TENT5D: variants seen among roughly 807,000 people sequenced by gnomAD.
TENT5D encodes cancer/testis antigen 112.
For synonymous variants in TENT5D, 103 were observed against 100.6 expected (o/e 1.02, Z -0.15); for missense variants, 191 against 287.0 (o/e 0.67, Z 2.42).
At chrX:80,380,824 C>A (rs1930848638) in intron 3 of TENT5D, among the ~76,000 whole-genome samples, 1 of 111,210 alleles carries the variant, frequency 9.0e-6, no homozygotes, top group African/African-American at 3.3e-5. Context: ...GATCTTCCTC[C>A]ATCCCTTTAT....
intron 3 of TENT5D, among the ~76,000 whole-genome samples, chrX:80,377,533 G>A (rs1369418265): frequency 9.0e-6 from 1 of 111,338 alleles, no homozygotes; most frequent in Non-Finnish European, 1.9e-5. Flanking sequence ...ATGGTTTCCA[G>A]CTTCATCCAT....
chrX:80,434,207 TAA>T (rs369574399), intron 1 of TENT5D, among the ~76,000 whole-genome samples: 9 of 84,983 alleles, frequency 1.1e-4, no homozygotes, highest in South Asian at 5.5e-4. Context: ...GATCATAAAG[TAA>T]AAAAAAAAAA....
chrX:80,390,932 A>T (rs928836168), intron 3 of TENT5D, among the ~76,000 whole-genome samples: 1 of 112,078 alleles, frequency 8.9e-6, no homozygotes, highest in African/African-American at 3.2e-5. Flanking sequence ...TACCAAAAAT[A>T]TTCCTTTATC....
At chrX:80,393,027 CTG>C (rs1482410119) in intron 3 of TENT5D, among the ~76,000 whole-genome samples, 1 of 110,616 alleles carries the variant, frequency 9.0e-6, no homozygotes, top group African/African-American at 3.3e-5. Context: ...ACAACAACCT[CTG>C]TGTGAAACTG....
chrX:80,340,870 T>C (rs1165917069), intron 2 of TENT5D, among the ~76,000 whole-genome samples: 1 of 112,412 alleles, frequency 8.9e-6, no homozygotes, highest in Admixed American at 9.5e-5. Context: ...TATCTAATGC[T>C]GTCTTTACAT....
intron 3 of TENT5D, among the ~76,000 whole-genome samples, chrX:80,362,753 A>G (rs1195193490): frequency 1.8e-5 from 2 of 111,617 alleles, no homozygotes; most frequent in Non-Finnish European, 3.8e-5. Flanking sequence ...ACTCTATTCC[A>G]TTTAATCCAG....
intron 1 of TENT5D, among the ~76,000 whole-genome samples, chrX:80,433,548 C>T (rs1932127191): frequency 8.9e-6 from 1 of 112,027 alleles, no homozygotes; most frequent in African/African-American, 3.2e-5. Flanking sequence ...GGTAAGATTT[C>T]TCTGGGATTA....
chrX:80,414,153 A>T (rs1423934444), intron 3 of TENT5D, among the ~76,000 whole-genome samples: 1 of 112,083 alleles, frequency 8.9e-6, no homozygotes, highest in Admixed American at 9.4e-5. Flanking sequence ...TCATGAAAGC[A>T]GGAAGACTTG....
chrX:80,343,983 G>GT (rs1930012004), intron 3 of TENT5D, among the ~76,000 whole-genome samples: 1 of 110,290 alleles, frequency 9.1e-6, no homozygotes, highest in South Asian at 3.9e-4. Context: ...CCTGGTGTCG[G>GT]TTTTTCCCCT....
chrX:80,439,367 A>C (rs891172359), intron 2 of TENT5D, among the ~76,000 whole-genome samples: 1 of 111,344 alleles, frequency 9.0e-6, no homozygotes, highest in Non-Finnish European at 1.9e-5. Context: ...TTCCACCTTT[A>C]CCATGACATT....
intron 1 of TENT5D, among the ~76,000 whole-genome samples, chrX:80,421,807 A>C (rs1452201498): frequency 2.7e-5 from 3 of 111,479 alleles, no homozygotes; most frequent in Admixed American, 1.9e-4. Flanking sequence ...TGATAAGGAG[A>C]CTTAAGGAAA....
At chrX:80,440,462 A>G (rs750536431) in intron 2 of TENT5D, among the ~76,000 whole-genome samples, 1 of 108,976 alleles carries the variant, frequency 9.2e-6, no homozygotes, top group East Asian at 2.9e-4. Flanking sequence ...CATTTTGGCA[A>G]TTTTTTTTTA....
intron 3 of TENT5D, among the ~76,000 whole-genome samples, chrX:80,370,577 T>C (rs1930605605): frequency 8.9e-6 from 1 of 112,367 alleles, no homozygotes; most frequent in Admixed American, 9.5e-5. Flanking sequence ...TACTATTAAG[T>C]AATATTTTAA....
intron 3 of TENT5D, among the ~76,000 whole-genome samples, chrX:80,348,568 G>T (rs1930113307): frequency 9.0e-6 from 1 of 111,616 alleles, no homozygotes; most frequent in African/African-American, 3.3e-5. Flanking sequence ...GGCTGAGACG[G>T]TGGGGTTTTC....
At chrX:80,378,160 C>T (rs1930773290) in intron 3 of TENT5D, among the ~76,000 whole-genome samples, 1 of 111,875 alleles carries the variant, frequency 8.9e-6, no homozygotes, top group South Asian at 3.7e-4. Context: ...GGGTAGATTG[C>T]AAAAATGGTC....
chrX:80,384,804 A>C (rs376029227), intron 3 of TENT5D, among the ~76,000 whole-genome samples: 7 of 108,594 alleles, frequency 6.4e-5, no homozygotes, highest in Non-Finnish European at 1.9e-5. Flanking sequence ...GAGCCAAATC[A>C]TGAGTGAACT....
At chrX:80,401,445 T>C (rs987861641) in intron 3 of TENT5D, among the ~76,000 whole-genome samples, 2 of 111,685 alleles carry the variant, frequency 1.8e-5, no homozygotes, top group Admixed American at 9.5e-5. Flanking sequence ...TCCACTACTA[T>C]GTTGAATAGA....
In TENT5D at chrX:80,346,197, T is replaced by TA. The variant is rs201512673; in HGVS notation, c.-142+3638dup. Among the ~76,000 whole-genome samples the TA allele has an allele frequency of 7.0e-3, 781 of 112,308 alleles. 6 individuals carry two copies. Among genetic ancestry groups the TA allele is most frequent in the African/African-American group, 0.024 (742 of 30,934 alleles). ...ATTCATCTATAAGTGGTTCACTGTATAAAAAGTGTATTCTTTTTTATTACT... is the reference window on the plus strand; with the variant it reads ...ATTCATCTATAAGTGGTTCACTGTATAAAAAAGTGTATTCTTTTTTATTACT... On this transcript the variant is annotated intron_variant, in intron 3 of 4. Coordinates refer to the TENT5D transcript ENST00000538312.
intron 3 of TENT5D, among the ~76,000 whole-genome samples, chrX:80,392,495 C>CTTTTTTTTT (rs72029455): frequency 0.023 from 559 of 24,378 alleles, 69 homozygotes; most frequent in East Asian, 0.073. Flanking sequence ...TCATTTTATT[C>CTTTTTTTTT]TTTTTTTTTT....
Sources: gnomAD v4.1 joint callset for allele counts (sites outside exome capture counted in the v4.1 genomes callset) on GRCh38, gnomAD v4.1.1 for gene constraint, MANE v1.5 for transcripts, NCBI Gene and HGNC (gene_info 2026-07-23, HGNC 2026-07-21) for gene names.